SCAPER: variants seen among roughly 807,000 people sequenced by gnomAD.
SCAPER encodes S phase cyclin A-associated protein in the endoplasmic reticulum.
A neutral mutation model predicts 182.2 loss-of-function variants in SCAPER; 98 were observed. The ratio of observed to expected loss-of-function variants is 0.54; its 90% CI spans 0.46 to 0.64. SCAPER has a LOEUF of 0.64. Among genes scored for constraint, SCAPER ranks in the 30% least tolerant of loss-of-function variants. The pLI is 0.00. For missense variants in SCAPER, 1,432 were observed against 1,690.0 expected, an observed-to-expected ratio of 0.85 and a Z score of 2.68; for synonymous variants, 605 against 564.6, an observed-to-expected ratio of 1.07 and a Z score of -1.01.
intron 17 of SCAPER, among the ~76,000 whole-genome samples, chr15:76,724,936 A>G (rs1388101960): frequency 2.0e-5 from 3 of 152,032 alleles, no homozygotes; most frequent in African/African-American, 4.8e-5. Flanking sequence ...CGTCAAAGTC[A>G]TTCTCCGTCC....
intron 2 of SCAPER, among the ~76,000 whole-genome samples, chr15:76,880,227 A>G (rs948743746): frequency 7.2e-5 from 11 of 152,246 alleles, no homozygotes; most frequent in African/African-American, 2.7e-4. Flanking sequence ...ACCAACTTCT[A>G]TATGATACTA....
chr15:76,739,218 A>G (rs1018724985), intron 15 of SCAPER, among the ~76,000 whole-genome samples: 1 of 152,208 alleles, frequency 6.6e-6, no homozygotes, highest in African/African-American at 2.4e-5. Context: ...CCAATCCTCC[A>G]CAGATACTGA....
At chr15:76,724,003 G>C (rs910974480) in intron 17 of SCAPER, among the ~76,000 whole-genome samples, 3 of 152,168 alleles carry the variant, frequency 2.0e-5, no homozygotes, top group African/African-American at 7.2e-5. Context: ...AGTTGATGCA[G>C]TTTCTTCCTA....
At chr15:76,686,658 C>T (rs1251488502) in intron 20 of SCAPER, among the ~76,000 whole-genome samples, 1 of 151,944 alleles carries the variant, frequency 6.6e-6, no homozygotes, top group African/African-American at 2.4e-5. Flanking sequence ...ACATAAACAC[C>T]AATCAAAAGG....
At chr15:76,471,887 G>A (rs1452616641) in intron 24 of SCAPER, among the ~76,000 whole-genome samples, 1 of 152,142 alleles carries the variant, frequency 6.6e-6, no homozygotes, top group African/African-American at 2.4e-5. Flanking sequence ...TTCCCAGAGT[G>A]TAAAAACTGG....
At chr15:76,871,251 T>G (rs1002643994) in intron 2 of SCAPER, among the ~76,000 whole-genome samples, 1 of 150,776 alleles carries the variant, frequency 6.6e-6, no homozygotes, top group South Asian at 2.1e-4. Flanking sequence ...CTACTGAAAA[T>G]ACAAAAAATT....
At chr15:76,370,724 G>T (rs1243328272) in intron 29 of SCAPER, among the ~76,000 whole-genome samples, 1 of 152,200 alleles carries the variant, frequency 6.6e-6, no homozygotes, top group African/African-American at 2.4e-5. Context: ...AGAGGGGAAA[G>T]AATTTATCTA....
intron 20 of SCAPER, among the ~76,000 whole-genome samples, chr15:76,670,018 G>C (rs761657646): frequency 6.6e-6 from 1 of 152,016 alleles, no homozygotes; most frequent in Admixed American, 6.6e-5. Context: ...CTTTATTATA[G>C]ACAACGCCTT....
At chr15:76,669,218 GCAA>G (rs56816702) in intron 20 of SCAPER, among the ~76,000 whole-genome samples, 1 of 151,072 alleles carries the variant, frequency 6.6e-6, no homozygotes, top group African/African-American at 2.4e-5. Context: ...ACAAGCAGCA[GCAA>G]CAACAACAAC....
intron 27 of SCAPER, among the ~76,000 whole-genome samples, chr15:76,404,088 G>T (rs1301048565): frequency 6.6e-6 from 1 of 152,196 alleles, no homozygotes; most frequent in Non-Finnish European, 1.5e-5. Context: ...AGAAGGGACA[G>T]AGGGAAAATA....
chr15:76,830,897 A>G, intron 5 of SCAPER, among the ~76,000 whole-genome samples: 1 of 151,970 alleles, frequency 6.6e-6, no homozygotes. Flanking sequence ...AGGGGAAGGA[A>G]GCTGGGAACC....
At chr15:76,735,452 C>T (rs2061192297) in intron 15 of SCAPER, among the ~76,000 whole-genome samples, 1 of 151,924 alleles carries the variant, frequency 6.6e-6, no homozygotes, top group Non-Finnish European at 1.5e-5. Flanking sequence ...AATCCCAGTA[C>T]TTTGGGAGGC....
intron 23 of SCAPER, among the ~76,000 whole-genome samples, chr15:76,563,582 T>C (rs2145187781): frequency 6.6e-6 from 1 of 152,204 alleles, no homozygotes; most frequent in East Asian, 1.9e-4. Flanking sequence ...CTGAAGTCTA[T>C]CAGGTATACA....
chr15:76,733,465 C>A, intron 15 of SCAPER, 81 bp from the exon 16 acceptor site: 1 of 1,501,620 alleles, frequency 6.7e-7, no homozygotes, highest in Non-Finnish European at 8.9e-7. Context: ...TAACAACAGT[C>A]AGGCTGGGCG....
At chr15:76,880,534 T>A (rs2073465929) in intron 2 of SCAPER, among the ~76,000 whole-genome samples, 2 of 152,198 alleles carry the variant, frequency 1.3e-5, no homozygotes, top group Non-Finnish European at 2.9e-5. Flanking sequence ...TTGTGTATGA[T>A]CATAAGCATT....
chr15:76,453,229 C>T (rs1286999405), intron 25 of SCAPER, among the ~76,000 whole-genome samples: 2 of 152,168 alleles, frequency 1.3e-5, no homozygotes, highest in African/African-American at 2.4e-5. Context: ...GGACATTCTC[C>T]TACATTACAA....
chr15:76,697,208 G>A (rs186329959), intron 20 of SCAPER, among the ~76,000 whole-genome samples: 18 of 152,036 alleles, frequency 1.2e-4, no homozygotes, highest in African/African-American at 4.1e-4. Flanking sequence ...ACCCTCTACT[G>A]ATTAAAAAAA....
At chr15:76,619,137 A>C (rs1280383012) in intron 22 of SCAPER, among the ~76,000 whole-genome samples, 1 of 152,210 alleles carries the variant, frequency 6.6e-6, no homozygotes, top group East Asian at 1.9e-4. Context: ...GAGCTACCGC[A>C]CCCAGCCGTG....
intron 24 of SCAPER, among the ~76,000 whole-genome samples, chr15:76,490,034 C>G (rs1190847350): frequency 6.6e-6 from 1 of 152,098 alleles, no homozygotes; most frequent in African/African-American, 2.4e-5. Context: ...TCTTTGTCTA[C>G]TCATCTGAAT....
Sources: allele counts gnomAD v4.1 joint callset (sites outside exome capture counted in the v4.1 genomes callset), GRCh38; gene constraint gnomAD v4.1.1; transcripts MANE v1.5; gene names NCBI Gene and HGNC (gene_info 2026-07-23, HGNC 2026-07-21).